METTL15: variants seen among roughly 807,000 people sequenced by gnomAD.
METTL15 encodes methyltransferase 15, mitochondrial 12S rRNA N4-cytidine, also known as 12S rRNA N(4)-cytidine methyltransferase METTL15.
A neutral mutation model predicts 38.3 loss-of-function variants in METTL15; 34 were observed. The ratio of observed to expected loss-of-function variants is 0.89; its 90% confidence interval spans 0.68 to 1.18. The LOEUF is 1.18. Among genes scored for constraint, METTL15 ranks in the 50% most tolerant of loss-of-function variants. The pLI, the probability that METTL15 is intolerant of heterozygous loss-of-function variation, is 0.00. For missense variants in METTL15, 438 were observed against 498.4 expected, an observed-to-expected ratio of 0.88 and a Z score of 1.15; for synonymous variants, 162 against 170.9, an observed-to-expected ratio of 0.95 and a Z score of 0.41.
At chr11:28,267,993 C>T (rs1331312276) in intron 4 of METTL15, among the ~76,000 whole-genome samples, 10 of 151,628 alleles carry the variant, frequency 6.6e-5, no homozygotes, top group Non-Finnish European at 1.0e-4. Context: ...GTCAGGAGAT[C>T]GAGACCATCC....
intron 6 of METTL15, among the ~76,000 whole-genome samples, chr11:28,514,230 C>G (rs189192300): frequency 3.3e-5 from 5 of 152,284 alleles, no homozygotes; most frequent in Non-Finnish European, 7.4e-5. Context: ...AGGTCTAAGC[C>G]AATCAACATA....
chr11:28,162,376 A>G (rs978465553), intron 3 of METTL15, among the ~76,000 whole-genome samples: 10 of 152,332 alleles, frequency 6.6e-5, no homozygotes, highest in African/African-American at 1.4e-4. Flanking sequence ...AGCAGTTTAG[A>G]AAAGGCCACT....
At chr11:28,191,036 G>C (rs1052832076) in intron 3 of METTL15, among the ~76,000 whole-genome samples, 3 of 151,220 alleles carry the variant, frequency 2.0e-5, no homozygotes, top group Admixed American at 1.3e-4. Flanking sequence ...GTATCTCCTA[G>C]AAGGCAAATG....
intron 4 of METTL15, among the ~76,000 whole-genome samples, chr11:28,252,271 G>A (rs149165570): frequency 6.6e-6 from 1 of 152,242 alleles, no homozygotes; most frequent in East Asian, 1.9e-4. Context: ...AGGAAATGTT[G>A]GTGGGAGGAG....
chr11:28,168,103 C>A (rs1206947474), intron 3 of METTL15, among the ~76,000 whole-genome samples: 1 of 151,756 alleles, frequency 6.6e-6, no homozygotes, highest in Non-Finnish European at 1.5e-5. Flanking sequence ...CTTTCTTTTT[C>A]TTTCTCTTCC....
intron 4 of METTL15, among the ~76,000 whole-genome samples, chr11:28,219,554 A>C (rs925958295): frequency 6.6e-6 from 1 of 151,948 alleles, no homozygotes; most frequent in Admixed American, 6.5e-5. Flanking sequence ...TTATGTCTCT[A>C]ACTCCTTCAG....
At chr11:28,377,827 G>T (rs1171330384) in intron 5 of METTL15, among the ~76,000 whole-genome samples, 4 of 151,178 alleles carry the variant, frequency 2.6e-5, no homozygotes, top group Non-Finnish European at 3.0e-5. Context: ...AGTACAGATG[G>T]GTTTTTGGTG....
intron 5 of METTL15, among the ~76,000 whole-genome samples, chr11:28,381,916 CT>C (rs772753660): frequency 0.019 from 2,778 of 145,626 alleles, 54 homozygotes; most frequent in African/African-American, 0.052. Context: ...TTCCTGTTTC[CT>C]TTTTTTTTTT....
chr11:28,259,776 A>G (rs1855125094), intron 4 of METTL15, among the ~76,000 whole-genome samples: 1 of 152,168 alleles, frequency 6.6e-6, no homozygotes, highest in Non-Finnish European at 1.5e-5. Flanking sequence ...TCTTTCAGTG[A>G]TATGAAGTTA....
At chr11:28,429,100 G>A (rs1476810798) in intron 6 of METTL15, among the ~76,000 whole-genome samples, 5 of 152,080 alleles carry the variant, frequency 3.3e-5, no homozygotes, top group Non-Finnish European at 7.4e-5. Flanking sequence ...GAGTACAGCT[G>A]GGTCAGCCTC....
chr11:28,209,350 A>C (rs958529670), intron 3 of METTL15, among the ~76,000 whole-genome samples: 8 of 152,048 alleles, frequency 5.3e-5, no homozygotes, highest in Non-Finnish European at 1.5e-5. Flanking sequence ...TGAACTTCTT[A>C]AAATTTTCAA....
At chr11:28,116,133 C>T (rs1277325665) in intron 3 of METTL15, among the ~76,000 whole-genome samples, 1 of 151,968 alleles carries the variant, frequency 6.6e-6, no homozygotes, top group Non-Finnish European at 1.5e-5. Context: ...TAAATAAGGT[C>T]TTAGATTATT....
chr11:28,329,851 G>A (rs1054078698), intron 6 of METTL15, among the ~76,000 whole-genome samples: 10 of 151,940 alleles, frequency 6.6e-5, no homozygotes, highest in Admixed American at 2.0e-4. Flanking sequence ...AGCCTTCTTC[G>A]TAAACAGAGT....
chr11:28,524,160 G>T lies in METTL15; in HGVS notation c.*425-2318G>T, dbSNP rs796281489. On this transcript the variant is annotated intron_variant and NMD_transcript_variant, in intron 6 of 7. Coordinates refer to the METTL15 transcript ENST00000532947. Reference sequence around the variant, plus strand: ...ATAAAGCTAAATCCAGAAATAACTGGATAGTTGCCAGACAGTCAGAGAATA... The same window carrying T: ...ATAAAGCTAAATCCAGAAATAACTGTATAGTTGCCAGACAGTCAGAGAATA... Among the ~76,000 whole-genome samples, 6 of 152,300 alleles carry T rather than the reference G, an allele frequency of 3.9e-5. 1 individual carries two copies. The highest frequency in any genetic ancestry group is 1.4e-4 in the African/African-American group (6 of 41,568).
intron 3 of METTL15, chr11:28,123,954 A>G: frequency 9.0e-7 from 1 of 1,110,482 alleles, no homozygotes; most frequent in Non-Finnish European, 1.2e-6. Context: ...GATTATTAAT[A>G]ATAACAACAT....
At chr11:28,420,900 A>G (rs550526179) in intron 5 of METTL15, among the ~76,000 whole-genome samples, 1 of 152,174 alleles carries the variant, frequency 6.6e-6, no homozygotes, top group East Asian at 1.9e-4. Flanking sequence ...TGAAGAAACA[A>G]TAGAAAAGAT....
At chr11:28,221,123 G>A (rs1853194055) in intron 4 of METTL15, among the ~76,000 whole-genome samples, 1 of 152,110 alleles carries the variant, frequency 6.6e-6, no homozygotes, top group African/African-American at 2.4e-5. Flanking sequence ...GCTAGATTGA[G>A]GAAGTTCTCC....
chr11:28,449,046 G>T (rs1273927272), intron 6 of METTL15, among the ~76,000 whole-genome samples: 1 of 152,164 alleles, frequency 6.6e-6, no homozygotes, highest in Non-Finnish European at 1.5e-5. Flanking sequence ...TTTGGGGGTT[G>T]TCTGAGATGC....
At position 28,285,498 on chromosome 11, in the gene METTL15, T is replaced by TA. The variant is rs534802672; in HGVS notation, c.408-4705dup. 1.7e-3 allele frequency among the ~76,000 whole-genome samples: 265 copies of TA among 152,198 alleles called. 1 individual carries two copies. Among genetic ancestry groups the TA allele is most frequent in the Non-Finnish European group, 2.9e-3 (198 of 68,010 alleles). On this transcript the variant is annotated intron_variant, in intron 4 of 6. Transcript: ENST00000407364. ...CCCCTGCTTTGGAGTAAAGAAGACT[T>TA]AAAGAACATGATAGCTATAGTAGTT...
Sources: gnomAD v4.1 joint callset for allele counts (sites outside exome capture counted in the v4.1 genomes callset) on GRCh38, gnomAD v4.1.1 for gene constraint, MANE v1.5 for transcripts, NCBI Gene and HGNC (gene_info 2026-07-23, HGNC 2026-07-21) for gene names.